TNRC6A: variants seen among roughly 807,000 people sequenced by gnomAD.
TNRC6A encodes the protein trinucleotide repeat-containing gene 6A protein.
A neutral mutation model predicts 221.2 loss-of-function variants in TNRC6A; 44 were observed. The ratio of observed to expected loss-of-function variants is 0.20; its 90% CI spans 0.16 to 0.26. The LOEUF is 0.26. Among genes scored for constraint, TNRC6A ranks in the 10% least tolerant of loss-of-function variants. The pLI, the probability that TNRC6A is intolerant of heterozygous loss-of-function variation, is 1.00. For synonymous variants in TNRC6A, 847 were observed against 838.5 expected (o/e 1.01, Z -0.18); for missense variants, 2,199 against 2,404.4 (o/e 0.91, Z 1.79).
intron 2 of TNRC6A, among the ~76,000 whole-genome samples, chr16:24,673,751 G>A (rs2055352089): frequency 6.6e-6 from 1 of 152,130 alleles, no homozygotes; most frequent in Admixed American, 6.6e-5. Flanking sequence ...TGTAGAGACA[G>A]ACTTTTGCCA....
chr16:24,791,539 C>A lies in TNRC6A; in HGVS notation c.2897C>A (p.Pro966His), dbSNP rs758205637. 1 of 1,542,210 alleles carries A rather than the reference C, an allele frequency of 6.5e-7. No individual in the cohort carries two copies. The change falls in exon 6 of 25, where the codon CCT becomes CAT. Residue 966 changes from proline (P) to histidine (H), a missense_variant. By Grantham distance (77) the Pro-to-His change is moderately conservative. Around this residue, in one of 8 missense-constraint regions of TNRC6A, gnomAD observed 1,405 missense variants for 1,400.2 expected, o/e 1.00. Coordinates refer to ENST00000395799, the MANE Select transcript of TNRC6A (RefSeq NM_014494.4). ...ATCCCACCAGCTACAGGCAAACCTC[C>A]TGGTACAGGCTGGCTGGGGGGACCT... ...WGIPPATGKP[P>H]GTGWLGGPIP...
At chr16:24,665,269 C>T (rs72768617) in intron 2 of TNRC6A, among the ~76,000 whole-genome samples, 17,241 of 151,956 alleles carry the variant, frequency 0.11, 1,189 homozygotes, top group African/African-American at 0.19. Context: ...GACACGGGAT[C>T]TTGCTATGTT....
Position 24,750,498 on chromosome 16 carries a change from T to C in TNRC6A, c.54-228T>C, listed in dbSNP as rs114995321. Among the ~76,000 whole-genome samples, 373 of 152,332 alleles carry C rather than the reference T, an allele frequency of 2.4e-3. 2 individuals are homozygous for C. Among genetic ancestry groups the C allele is most frequent in the African/African-American group, 7.3e-3 (304 of 41,578 alleles). On this transcript the variant is annotated intron_variant, in intron 2 of 24. Coordinates refer to ENST00000395799, the MANE Select transcript of TNRC6A (RefSeq NM_014494.4). ...TTTTAGGTTGTCTTCCTTGATATGA[T>C]ATTGAGATAAAAGCTGTGCTACTTG...
rs1218844045 is a variant in TNRC6A, at chr16:24,806,607, C to G, written c.4363C>G (p.Gln1455Glu). The change falls in exon 17 of 25, where the codon CAA (glutamine) becomes GAA (glutamate). Residue 1455 changes from glutamine (Q) to glutamate (E), a missense_variant. Gln to Glu is a conservative substitution (Grantham distance 29). Coordinates refer to ENST00000395799, the MANE Select transcript of TNRC6A (RefSeq NM_014494.4). The part of the protein sequence containing the change: ...RPLSVQQQMM[Q>E]QSRQLDPNLL... ...TCTTAGTGTGCAGCAGCAAATGATGCAACAATCTCGTCAACTTGATCCAAA... is the reference window on the plus strand; with the variant it reads ...TCTTAGTGTGCAGCAGCAAATGATGGAACAATCTCGTCAACTTGATCCAAA... The G allele has an allele frequency of 6.2e-7, 1 of 1,614,170 alleles. No homozygotes were observed. Among genetic ancestry groups the G allele is most frequent in the Non-Finnish European group, 8.5e-7 (1 of 1,180,024 alleles).
At chr16:24,819,395 G>A (rs2058719749) in intron 21 of TNRC6A, among the ~76,000 whole-genome samples, 1 of 152,050 alleles carries the variant, frequency 6.6e-6, no homozygotes, top group African/African-American at 2.4e-5. Flanking sequence ...CTGCGAGGCA[G>A]TGTGTGTCAG....
At chr16:24,661,468 C>G (rs1179768906) in intron 2 of TNRC6A, 2 of 151,602 alleles carry the variant, frequency 1.3e-5, no homozygotes, top group Non-Finnish European at 2.9e-5. Flanking sequence ...GTCTGGAGTG[C>G]AGTAGCGCCA....
chr16:24,715,912 T>G (rs2056304980), intron 2 of TNRC6A, among the ~76,000 whole-genome samples: 2 of 152,120 alleles, frequency 1.3e-5, no homozygotes, highest in South Asian at 4.1e-4. Flanking sequence ...TGAGCCACTG[T>G]GCCTGGCCCA....
chr16:24,684,894 C>T (rs1010988510), intron 2 of TNRC6A, among the ~76,000 whole-genome samples: 1 of 152,202 alleles, frequency 6.6e-6, no homozygotes, highest in Non-Finnish European at 1.5e-5. Flanking sequence ...TAACAATGCA[C>T]ATGAAACTTC....
intron 2 of TNRC6A, among the ~76,000 whole-genome samples, chr16:24,647,116 G>C (rs1461850070): frequency 6.6e-6 from 1 of 152,010 alleles, no homozygotes. Context: ...ATTTTTCGTA[G>C]AGACAGGGGT....
chr16:24,709,898 T>C (rs1301956893), intron 2 of TNRC6A, among the ~76,000 whole-genome samples: 2 of 151,496 alleles, frequency 1.3e-5, no homozygotes, highest in Non-Finnish European at 2.9e-5. Context: ...GTCACAGGTG[T>C]CTTAAATACA....
At chr16:24,750,839 T>G in intron 3 of TNRC6A, 26 bp downstream of exon 3, 2 of 1,457,060 alleles carry the variant, frequency 1.4e-6, no homozygotes, top group Non-Finnish European at 1.8e-6. Context: ...ACTATTTATA[T>G]TAAGCAGTTT....
intron 2 of TNRC6A, among the ~76,000 whole-genome samples, chr16:24,691,449 A>G (rs1328096224): frequency 2.6e-5 from 4 of 152,136 alleles, no homozygotes; most frequent in Non-Finnish European, 5.9e-5. Flanking sequence ...CTGGAGAAAA[A>G]GGAAACATTT....
intron 2 of TNRC6A, among the ~76,000 whole-genome samples, chr16:24,699,822 A>G (rs747723281): frequency 2.0e-5 from 3 of 152,122 alleles, no homozygotes; most frequent in Admixed American, 1.3e-4. Flanking sequence ...CATTTCTTTA[A>G]CAGTCAACCC....
intron 3 of TNRC6A, among the ~76,000 whole-genome samples, chr16:24,755,555 CTA>C (rs1197669708): frequency 1.3e-5 from 2 of 152,240 alleles, no homozygotes; most frequent in African/African-American, 2.4e-5. Flanking sequence ...GATGAGGAAA[CTA>C]AGCTTTAGAG....
rs1355747453 is a variant in TNRC6A, at chr16:24,806,239, C to A, written c.4285C>A (p.Gln1429Lys). Residue 1429 changes from glutamine to lysine, a missense_variant, in exon 16 of 25, where the codon CAG becomes AAG. Around this residue, in one of 8 missense-constraint regions of TNRC6A, gnomAD observed 449 missense variants for 579.7 expected, o/e 0.77. Transcript: ENST00000395799. ...AGCGCAGCAGCAAAGGGCGCAGAGT[C>A]AGAGAAGCGTGCCTTCTGGGAACCG... The part of the protein sequence containing the change: ...LLAQQQRAQS[Q>K]RSVPSGNRPQ... 6.2e-7 allele frequency: 1 copy of A among 1,614,214 alleles called. No individual in the cohort carries two copies. The highest frequency in any genetic ancestry group is 1.7e-5 in the Admixed American group (1 of 60,032).
At chr16:24,786,796 C>T (rs1276052621) in intron 5 of TNRC6A, among the ~76,000 whole-genome samples, 4 of 152,188 alleles carry the variant, frequency 2.6e-5, no homozygotes, top group African/African-American at 9.7e-5. Context: ...GCAATTCTGC[C>T]TCAGCCTCCT....
Position 24,790,514 on chromosome 16 carries a change from G to A in TNRC6A, c.1872G>A (p.Gln624=), listed in dbSNP as rs768907058. The change falls in exon 6 of 25, where the codon CAG becomes CAA. Residue 624 remains glutamine, a synonymous_variant. Transcript: ENST00000395799. ...AGTGGAACAAACTGCCTAGCAATCAGCATTCCAATGATAGTGCAAATGGCA... is the reference window on the plus strand; with the variant it reads ...AGTGGAACAAACTGCCTAGCAATCAACATTCCAATGATAGTGCAAATGGCA... ...SVEWNKLPSN[Q]HSNDSANGNG... 1 of 1,614,212 alleles carries A rather than the reference G, an allele frequency of 6.2e-7. No individual in the cohort carries two copies. The highest frequency in any genetic ancestry group is 1.7e-5 in the Admixed American group (1 of 60,026).
chr16:24,775,311 G>A (rs2151704413), intron 4 of TNRC6A, among the ~76,000 whole-genome samples: 1 of 152,156 alleles, frequency 6.6e-6, no homozygotes, highest in East Asian at 1.9e-4. Flanking sequence ...ATTATAAACA[G>A]TAGATGGAAT....
intron 6 of TNRC6A, among the ~76,000 whole-genome samples, chr16:24,792,519 G>T (rs959441737): frequency 4.3e-5 from 6 of 139,198 alleles, no homozygotes; most frequent in African/African-American, 1.6e-4. Context: ...AGTATAGTTT[G>T]TTGTATTAAT....
Sources: allele counts gnomAD v4.1 joint callset (sites outside exome capture counted in the v4.1 genomes callset), GRCh38; gene constraint gnomAD v4.1.1; regional missense constraint gnomAD v4.1.1; transcripts MANE v1.5; gene names NCBI Gene and HGNC (gene_info 2026-07-23, HGNC 2026-07-21).